ADGRL3: variants seen among roughly 807,000 people sequenced by gnomAD.
ADGRL3 encodes adhesion G protein-coupled receptor L3.
In ADGRL3, 62 loss-of-function variants were observed where a neutral mutation model predicts 153.5. That is an observed-to-expected ratio of 0.40 (90% CI 0.33 to 0.50). The LOEUF (loss-of-function observed/expected upper bound fraction) is 0.50. ADGRL3 is among the 20% of genes least tolerant of loss of function. The pLI, the probability that ADGRL3 is intolerant of heterozygous loss-of-function variation, is 0.47. For synonymous variants in ADGRL3, 710 were observed against 672.5 expected (o/e 1.06, Z -0.86); for missense variants, 1,641 against 1,859.4 (o/e 0.88, Z 2.16).
At chr4:61,358,519 C>T (rs992456233) in intron 1 of ADGRL3, among the ~76,000 whole-genome samples, 2 of 139,908 alleles carry the variant, frequency 1.4e-5, no homozygotes, top group Non-Finnish European at 3.0e-5. Context: ...ATGGCGTGAA[C>T]TCGGGAGGCG....
At chr4:61,276,292 A>G (rs2093455124) in intron 1 of ADGRL3, among the ~76,000 whole-genome samples, 1 of 152,158 alleles carries the variant, frequency 6.6e-6, no homozygotes, top group Admixed American at 6.5e-5. Context: ...CCATAAGTCT[A>G]GATGCTTTTA....
chr4:61,362,488 G>T (rs1312274013), intron 1 of ADGRL3, among the ~76,000 whole-genome samples: 1 of 151,974 alleles, frequency 6.6e-6, no homozygotes. Context: ...ACTACCGATA[G>T]ACTATTGTTG....
intron 25 of ADGRL3, among the ~76,000 whole-genome samples, chr4:62,048,149 A>G (rs958992599): frequency 6.6e-6 from 1 of 152,144 alleles, no homozygotes; most frequent in African/African-American, 2.4e-5. Flanking sequence ...GTAGTGGTGG[A>G]AAGGACTTGC....
chr4:61,671,903 T>C (rs1200443716), intron 5 of ADGRL3, among the ~76,000 whole-genome samples: 1 of 152,118 alleles, frequency 6.6e-6, no homozygotes, highest in Non-Finnish European at 1.5e-5. Context: ...GAAAAGCCAT[T>C]TAACATCTCT....
intron 4 of ADGRL3, among the ~76,000 whole-genome samples, chr4:61,552,703 A>G (rs2148832942): frequency 6.6e-6 from 1 of 152,218 alleles, no homozygotes; most frequent in East Asian, 1.9e-4. Context: ...TCCTGGGCTC[A>G]AGTGATCCTC....
chr4:61,834,323 G>A (rs1427923986), intron 9 of ADGRL3, among the ~76,000 whole-genome samples: 1 of 152,098 alleles, frequency 6.6e-6, no homozygotes, highest in Non-Finnish European at 1.5e-5. Flanking sequence ...AGTATTCCAT[G>A]GTGTATGTGC....
chr4:61,980,519 A>G (rs1162129227), intron 18 of ADGRL3, among the ~76,000 whole-genome samples: 1 of 151,538 alleles, frequency 6.6e-6, no homozygotes, highest in African/African-American at 2.4e-5. Context: ...GGCCCACTGC[A>G]ATCTCCACCT....
At chr4:61,414,391 G>C (rs976449827) in intron 2 of ADGRL3, among the ~76,000 whole-genome samples, 1 of 151,964 alleles carries the variant, frequency 6.6e-6, no homozygotes, top group Non-Finnish European at 1.5e-5. Context: ...TAATTATTTT[G>C]AACAGTGGAC....
At chr4:61,869,514 C>T (rs989701813) in intron 9 of ADGRL3, among the ~76,000 whole-genome samples, 10 of 151,790 alleles carry the variant, frequency 6.6e-5, no homozygotes, top group East Asian at 3.9e-4. Flanking sequence ...AGGAGAATGG[C>T]GTGAACCCGG....
At chr4:61,814,849 C>T (rs998413347) in intron 9 of ADGRL3, among the ~76,000 whole-genome samples, 6 of 152,082 alleles carry the variant, frequency 3.9e-5, no homozygotes, top group Non-Finnish European at 5.9e-5. Flanking sequence ...TGTCAGTTTT[C>T]CAAATGCCGC....
intron 3 of ADGRL3, among the ~76,000 whole-genome samples, chr4:61,507,845 GC>G (rs1046674312): frequency 6.6e-6 from 1 of 152,038 alleles, no homozygotes; most frequent in African/African-American, 2.4e-5. Flanking sequence ...TGCTCATTTT[GC>G]CCACACATTA....
intron 17 of ADGRL3, among the ~76,000 whole-genome samples, chr4:61,973,671 C>T (rs1240932183): frequency 6.6e-6 from 1 of 151,678 alleles, no homozygotes; most frequent in Non-Finnish European, 1.5e-5. Flanking sequence ...AGCTAATTTC[C>T]TTGAAGTCTT....
intron 6 of ADGRL3, among the ~76,000 whole-genome samples, chr4:61,729,425 A>G (rs2096403362): frequency 6.6e-6 from 1 of 151,942 alleles, no homozygotes; most frequent in Non-Finnish European, 1.5e-5. Context: ...TTTGACAATA[A>G]CTGGAGACAC....
At chr4:61,368,829 A>G (rs1335339571) in intron 1 of ADGRL3, among the ~76,000 whole-genome samples, 1 of 152,098 alleles carries the variant, frequency 6.6e-6, no homozygotes, top group East Asian at 1.9e-4. Flanking sequence ...CAGTATGGCC[A>G]TTTTCACAAT....
intron 9 of ADGRL3, among the ~76,000 whole-genome samples, chr4:61,862,003 G>GC (rs1293952663): frequency 6.6e-6 from 1 of 152,116 alleles, no homozygotes; most frequent in Non-Finnish European, 1.5e-5. Context: ...AAGCTACACA[G>GC]CCTTTTTTAC....
intron 1 of ADGRL3, among the ~76,000 whole-genome samples, chr4:61,259,153 G>A (rs955472673): frequency 5.9e-5 from 9 of 152,110 alleles, no homozygotes; most frequent in Middle Eastern, 3.2e-3. Context: ...GGCCGGGTGC[G>A]GTGGCTAACG....
At chr4:61,438,871 C>G (rs944254744) in intron 2 of ADGRL3, among the ~76,000 whole-genome samples, 13 of 151,856 alleles carry the variant, frequency 8.6e-5, no homozygotes, top group African/African-American at 3.1e-4. Flanking sequence ...CCACGCCCGG[C>G]TAATTTTTTG....
intron 6 of ADGRL3, among the ~76,000 whole-genome samples, chr4:61,723,639 A>C (rs905707925): frequency 6.6e-6 from 1 of 151,990 alleles, no homozygotes; most frequent in Non-Finnish European, 1.5e-5. Flanking sequence ...GGTCGCCATG[A>C]TGTCTTGCAC....
intron 2 of ADGRL3, among the ~76,000 whole-genome samples, chr4:61,419,691 C>T (rs543133635): frequency 5.3e-5 from 8 of 152,104 alleles, no homozygotes; most frequent in African/African-American, 1.4e-4. Flanking sequence ...ACATGCTGTA[C>T]GCAGTCAATT....
Sources: allele counts gnomAD v4.1 joint callset (sites outside exome capture counted in the v4.1 genomes callset), GRCh38; gene constraint gnomAD v4.1.1; transcripts MANE v1.5; gene names NCBI Gene and HGNC (gene_info 2026-07-23, HGNC 2026-07-21).